The following TENM2 variants were observed in gnomAD, a reference collection of about 807,000 sequenced individuals.
The protein encoded by TENM2 is teneurin-2.
Under a neutral mutation model 245.2 loss-of-function variants are expected in TENM2, and 52 were observed. That is an observed-to-expected ratio of 0.21 (90% confidence interval 0.17 to 0.27). The LOEUF (loss-of-function observed/expected upper bound fraction) is 0.27, where lower values mean the gene tolerates loss of function less well. Among genes scored for constraint, TENM2 ranks in the 10% least tolerant of loss-of-function variants. TENM2 has a pLI of 1.00. For missense variants in TENM2, 3,046 were observed against 3,666.8 expected (o/e 0.83, Z 4.37); for synonymous variants, 1,363 against 1,438.9 (o/e 0.95, Z 1.19).
At chr5:167,416,676 G>A (rs1425864942) in intron 2 of TENM2, among the ~76,000 whole-genome samples, 1 of 73,398 alleles carries the variant, frequency 1.4e-5, no homozygotes, top group Non-Finnish European at 2.8e-5. Flanking sequence ...TTACTCTCTT[G>A]CTGTTTTTGT....
chr5:168,082,832 A>G (rs1243697087), intron 7 of TENM2, among the ~76,000 whole-genome samples: 1 of 152,184 alleles, frequency 6.6e-6, no homozygotes, highest in East Asian at 1.9e-4. Context: ...TCAGATGGGC[A>G]TCTGGCTGTA....
Position 167,960,539 on chromosome 5 carries a change from C to G in TENM2, c.947+7717C>G, listed in dbSNP as rs181473899. On this transcript the variant is annotated intron_variant, in intron 4 of 28. Transcript: ENST00000518659. ...TCAAGCCTCAGTAATAGTGGACCCC[C>G]CCTCCCTCCCACCAAGCTGGAGCAT... Among the ~76,000 whole-genome samples, 10 of 152,176 alleles carry G rather than the reference C, an allele frequency of 6.6e-5. No individual in the cohort carries two copies. In the East Asian group the frequency reaches 7.8e-4, roughly 12 times the overall value.
chr5:167,385,990 G>A (rs184761156), intron 2 of TENM2, among the ~76,000 whole-genome samples: 6 of 151,908 alleles, frequency 3.9e-5, no homozygotes, highest in South Asian at 2.1e-4. Context: ...ATAAACACGC[G>A]TGTGCAAGTA....
In TENM2 at chr5:167,983,211, C is replaced by T. The variant is rs913059189; in HGVS notation, c.948-9733C>T. 3.3e-5 allele frequency among the ~76,000 whole-genome samples: 5 copies of T among 151,958 alleles called. No homozygotes were observed. The South Asian group carries it at 8.3e-4, about 25-fold the overall frequency. ...AAAAAAAAAAGACTCTTCATCTCATCCAAAGACTCTGAAATGGATTTGCTC... is the reference window on the plus strand; with the variant it reads ...AAAAAAAAAAGACTCTTCATCTCATTCAAAGACTCTGAAATGGATTTGCTC... On this transcript the variant is annotated intron_variant, in intron 4 of 28. Coordinates refer to ENST00000518659, the Ensembl canonical transcript of TENM2.
intron 2 of TENM2, among the ~76,000 whole-genome samples, chr5:167,477,264 T>TAAAAAAAA (rs10545252): frequency 7.1e-6 from 1 of 140,490 alleles, no homozygotes; most frequent in Non-Finnish European, 1.5e-5. Flanking sequence ...TGAATAATAG[T>TAAAAAAAA]AAAAAAAAAA....
At chr5:168,151,071 C>T (rs1756608942) in intron 12 of TENM2, among the ~76,000 whole-genome samples, 2 of 152,160 alleles carry the variant, frequency 1.3e-5, no homozygotes, top group Non-Finnish European at 2.9e-5. Context: ...TGCTCCACCA[C>T]CTCCCTCTCC....
chr5:167,290,857 G>A (rs1280083722), intron 1 of TENM2, among the ~76,000 whole-genome samples: 1 of 151,944 alleles, frequency 6.6e-6, no homozygotes, highest in Non-Finnish European at 1.5e-5. Flanking sequence ...TTTATGGCAT[G>A]TAAATCCATA....
chr5:168,007,231 C>G (rs1467503239), intron 5 of TENM2, among the ~76,000 whole-genome samples: 1 of 152,038 alleles, frequency 6.6e-6, no homozygotes, highest in Non-Finnish European at 1.5e-5. Context: ...CGGATTCAAG[C>G]AATTCTCCCG....
intron 5 of TENM2, among the ~76,000 whole-genome samples, chr5:167,999,190 T>A (rs1784261352): frequency 6.6e-6 from 1 of 152,164 alleles, no homozygotes; most frequent in Non-Finnish European, 1.5e-5. Flanking sequence ...TCCTCCTGTA[T>A]GAATTCCAAG....
the TENM2 span, among the ~76,000 whole-genome samples, chr5:167,151,106 C>T: frequency 5.9e-5 from 9 of 152,030 alleles, no homozygotes; most frequent in Non-Finnish European, 1.0e-4. Flanking sequence ...CTCCTCCAGT[C>T]GAGATTATTA....
At chr5:167,588,395 A>G (rs895463549) in intron 2 of TENM2, among the ~76,000 whole-genome samples, 3 of 152,230 alleles carry the variant, frequency 2.0e-5, no homozygotes, top group African/African-American at 7.2e-5. Flanking sequence ...ATTTCTACAC[A>G]GACTGTGAGA....
At chr5:167,938,216 A>C (rs1295948619) in intron 3 of TENM2, 1 of 152,216 alleles carries the variant, frequency 6.6e-6, no homozygotes, top group East Asian at 1.9e-4. Context: ...TCTGTGTGCC[A>C]TGATGCATCC....
the TENM2 span, among the ~76,000 whole-genome samples, chr5:167,036,555 T>C: frequency 6.6e-6 from 1 of 152,200 alleles, no homozygotes; most frequent in African/African-American, 2.4e-5. Context: ...GATTCTTAAA[T>C]TATATCAATA....
chr5:167,442,389 C>G (rs1225470397), intron 2 of TENM2, among the ~76,000 whole-genome samples: 3 of 152,130 alleles, frequency 2.0e-5, no homozygotes, highest in Non-Finnish European at 2.9e-5. Context: ...AGTGGGCTCT[C>G]TAAACCCATA....
At chr5:168,213,285 T>G (rs1463551994) in intron 20 of TENM2, among the ~76,000 whole-genome samples, 1 of 152,210 alleles carries the variant, frequency 6.6e-6, no homozygotes, top group African/African-American at 2.4e-5. Context: ...TGTGTCTTAA[T>G]AGCAACCTGA....
chr5:167,646,200 C>CATATATATATATATGTTGTTTTCATAT (rs1779941542), intron 2 of TENM2, among the ~76,000 whole-genome samples: 2 of 63,436 alleles, frequency 3.2e-5, no homozygotes, highest in Admixed American at 1.9e-4. Context: ...ATGTTGTTTT[C>CATATATATATATATGTTGTTTTCATAT]ATATATATAT....
chr5:167,476,552 G>C lies in TENM2; in HGVS notation c.502+101079G>C, dbSNP rs1767389621. On this transcript the variant is annotated intron_variant, in intron 2 of 28. Coordinates refer to ENST00000518659, the Ensembl canonical transcript of TENM2. ...AGGATGAATTTTTGCTTGAAAGCTT[G>C]AATTGAATCACTGGCAACAAATACT... 2.0e-5 allele frequency among the ~76,000 whole-genome samples: 3 copies of C among 152,142 alleles called. No homozygotes were observed. The South Asian group carries it at 6.2e-4, about 31-fold the overall frequency.
chr5:167,313,962 C>T (rs1030126525), intron 1 of TENM2, among the ~76,000 whole-genome samples: 3 of 152,110 alleles, frequency 2.0e-5, no homozygotes, highest in Non-Finnish European at 4.4e-5. Flanking sequence ...TTCCCTGTCC[C>T]GAGTCTCATT....
intron 2 of TENM2, among the ~76,000 whole-genome samples, chr5:167,379,552 C>T (rs1422883027): frequency 6.6e-6 from 1 of 152,084 alleles, no homozygotes; most frequent in Non-Finnish European, 1.5e-5. Context: ...ACTAAACATG[C>T]GAGTGGAATT....
Sources: allele counts gnomAD v4.1 joint callset (sites outside exome capture counted in the v4.1 genomes callset), GRCh38; gene constraint gnomAD v4.1.1; transcripts MANE v1.5; gene names NCBI Gene and HGNC (gene_info 2026-07-23, HGNC 2026-07-21).